Variants in OR2Z1 observed in about 807,000 individuals in gnomAD.
The protein encoded by OR2Z1 is olfactory receptor family 2 subfamily Z member 1.
For missense variants in OR2Z1, 449 were observed against 401.8 expected, an observed-to-expected ratio of 1.12 and a Z score of -1.00; for synonymous variants, 188 against 160.6, an observed-to-expected ratio of 1.17 and a Z score of -1.29.
At position 8,731,159 on chromosome 19, in the gene OR2Z1, T is replaced by G. The variant is rs375555202; in HGVS notation, c.131T>G (p.Val44Gly). ...MFVIGLLGNT[V>G]LLFLIRVDSR... ...GTCATAGGCCTTCTGGGCAACACCG[T>G]TCTTCTCTTCTTGATCCGTGTGGAC... The change falls in exon 3 of 3, where the codon GTT (valine) becomes GGT (glycine). Residue 44 changes from valine (V) to glycine (G), a missense_variant. By Grantham distance (109) the Val-to-Gly change is moderately radical. Transcript: ENST00000641125. 8.2e-5 allele frequency: 133 copies of G among 1,613,904 alleles called. No homozygotes were observed. The highest frequency in any genetic ancestry group is 1.1e-4 in the Non-Finnish European group (132 of 1,180,020).
chr19:8,726,893 T>A (rs964513873), intron 2 of OR2Z1, among the ~76,000 whole-genome samples: 5 of 151,844 alleles, frequency 3.3e-5, no homozygotes, highest in African/African-American at 1.2e-4. Flanking sequence ...TTGCTGCTTT[T>A]TTCTTTTTTT....
chr19:8,727,099 G>A lies in OR2Z1; in HGVS notation c.-169-3761G>A, dbSNP rs1255351897. Among the ~76,000 whole-genome samples the A allele has an allele frequency of 4.6e-5, 7 of 151,928 alleles. No individual in the cohort carries two copies. In the East Asian group the frequency reaches 9.7e-4, roughly 21 times the overall value. The stretch of plus-strand genomic sequence containing the variant: ...TGGGATGACAGGCTTGTATCACCCC[G>A]CCCAGCTAACTTTTGTAATTTTTTT... On this transcript the variant is annotated intron_variant, in intron 2 of 2. Coordinates refer to ENST00000641125, the MANE Select transcript of OR2Z1 (RefSeq NM_001004699.3).
At chr19:8,728,568 G>A (rs1019472380) in intron 2 of OR2Z1, among the ~76,000 whole-genome samples, 3 of 152,026 alleles carry the variant, frequency 2.0e-5, no homozygotes, top group Admixed American at 6.6e-5. Context: ...TGTTAAATAC[G>A]TTTGGGGGTA....
intron 2 of OR2Z1, among the ~76,000 whole-genome samples, chr19:8,725,168 A>G (rs2043322458): frequency 6.6e-6 from 1 of 152,182 alleles, no homozygotes; most frequent in Non-Finnish European, 1.5e-5. Flanking sequence ...AACAATGCTC[A>G]TGTTCCCTGT....
intron 2 of OR2Z1, among the ~76,000 whole-genome samples, chr19:8,725,155 T>A (rs1250154340): frequency 6.6e-6 from 1 of 152,180 alleles, no homozygotes; most frequent in East Asian, 1.9e-4. Flanking sequence ...CTGAAATGAG[T>A]TCAACAATGC....
In OR2Z1 at chr19:8,731,620, G is replaced by A. The variant is rs782618373; in HGVS notation, c.592G>A (p.Ala198Thr). Residue 198 changes from alanine to threonine, a missense_variant, in exon 3 of 3, where the codon GCG (alanine) becomes ACG (threonine). By Grantham distance (58) the Ala-to-Thr change is moderately conservative. Coordinates refer to ENST00000641125, the MANE Select transcript of OR2Z1 (RefSeq NM_001004699.3). The part of the protein sequence containing the change: ...SCADTCAYEM[A>T]LSTSGVLILM... ...TGCAGATACCTGTGCCTACGAGATG[G>A]CGCTGTCCACCTCAGGGGTGCTGAT... 27 of 1,613,904 alleles carry A rather than the reference G, an allele frequency of 1.7e-5. No homozygotes were observed. Among genetic ancestry groups the A allele is most frequent in the Non-Finnish European group, 1.5e-5 (18 of 1,180,010 alleles).
chr19:8,728,676 GTTT>G, intron 2 of OR2Z1: 1 of 445,818 alleles, frequency 2.2e-6, no homozygotes, highest in South Asian at 1.9e-5. Flanking sequence ...CCAATAGGTA[GTTT>G]TTTTTTTATG....
intron 2 of OR2Z1, among the ~76,000 whole-genome samples, chr19:8,723,968 T>TTGTGTGTGTGTGTGTG (rs55655760): frequency 7.5e-6 from 1 of 132,764 alleles, no homozygotes; most frequent in Non-Finnish European, 1.6e-5. Context: ...GGGAGTCTGT[T>TTGTGTGTGTGTGTGTG]TGTGTGTGTG....
At chr19:8,723,748 A>C (rs1555755872) in intron 2 of OR2Z1, among the ~76,000 whole-genome samples, 3 of 152,132 alleles carry the variant, frequency 2.0e-5, no homozygotes, top group African/African-American at 7.2e-5. Context: ...AGTGCTCTGC[A>C]GTTTCAAGGC....
At position 8,724,010 on chromosome 19, in the gene OR2Z1, G is replaced by A. The variant is rs77530436; in HGVS notation, c.-170+860G>A. On this transcript the variant is annotated intron_variant, in intron 2 of 2. Transcript: ENST00000641125. Reference sequence around the variant, plus strand: ...TGTGTGTGTGTGTGTGTGTGTGTGTGTATGTGTGTGTGTGTGTGTGAAGCA... The same window carrying A: ...TGTGTGTGTGTGTGTGTGTGTGTGTATATGTGTGTGTGTGTGTGTGAAGCA... Among the ~76,000 whole-genome samples, 541 of 108,746 alleles carry A rather than the reference G, an allele frequency of 5.0e-3. 3 individuals carry two copies. Among genetic ancestry groups the A allele is most frequent in the Non-Finnish European group, 7.7e-3 (420 of 54,852 alleles). The allele number at this position is 108,746 out of a possible 152,430, so 71.3% of individuals were successfully genotyped here. A position where few individuals can be genotyped will look rare whatever the true frequency, so the allele number is the denominator to read the frequency against.
chr19:8,728,971 A>T (rs2043339202), intron 2 of OR2Z1: 1 of 690,660 alleles, frequency 1.4e-6, no homozygotes, highest in East Asian at 3.0e-5. Flanking sequence ...GTCAGCGGCA[A>T]CGTGATGATT....
In OR2Z1 at chr19:8,731,410, C is replaced by T. The variant is rs1376037007; in HGVS notation, c.382C>T (p.Gln128Ter). The stretch of plus-strand genomic sequence containing the variant: ...TTATGACCGTTATGTTGCTGTGTGC[C>T]AGCCCCTGCAGTATCCTGTACTTAT... ...MSYDRYVAVC[Q>*]PLQYPVLMRR... Residue 128 changes from glutamine to a stop codon, truncating the protein, a stop_gained, in exon 3 of 3, where the codon CAG becomes TAG. Coordinates refer to ENST00000641125, the MANE Select transcript of OR2Z1 (RefSeq NM_001004699.3). LOFTEE classifies it low-confidence loss of function (END_TRUNC). 3 of 1,614,112 alleles carry T rather than the reference C, an allele frequency of 1.9e-6. No individual in the cohort carries two copies. Among genetic ancestry groups the T allele is most frequent in the Non-Finnish European group, 8.5e-7 (1 of 1,180,026 alleles).
rs59262334 is a variant in OR2Z1 at position 8,731,448 on chromosome 19, A to G, written c.420A>G (p.Val140=). 8.9e-5 allele frequency: 144 copies of G among 1,613,864 alleles called. No individual in the cohort carries two copies. In the African/African-American group the frequency reaches 1.5e-3, roughly 17 times the overall value. ...ATCCTGTACTTATGAGACGCCAGGT[A>G]TGTCTGCTGATGATGGGCTCCTCCT... ...LQYPVLMRRQ[V]CLLMMGSSWV... The change falls in exon 3 of 3, where the codon GTA becomes GTG. Residue 140 remains valine, a synonymous_variant. Coordinates refer to ENST00000641125, the MANE Select transcript of OR2Z1 (RefSeq NM_001004699.3).
chr19:8,731,195 A>G lies in OR2Z1; in HGVS notation c.167A>G (p.His56Arg). The change falls in exon 3 of 3, where the codon CAC (histidine) becomes CGC (arginine). Residue 56 changes from histidine to arginine, a missense_variant. Transcript: ENST00000641125. ...TTGATCCGTGTGGACTCCCGGCTCC[A>G]CACACCCATGTACTTCCTGCTCAGC... is the stretch of plus-strand genomic sequence containing the variant. ...LFLIRVDSRL[H>R]TPMYFLLSQL... is the part of the protein sequence containing the mutation. 1 of 1,614,020 alleles carries G rather than the reference A, an allele frequency of 6.2e-7. No individual in the cohort carries two copies. The highest frequency in any genetic ancestry group is 2.2e-5 in the East Asian group (1 of 44,866).
chr19:8,731,685 C>T lies in OR2Z1; in HGVS notation c.657C>T (p.Gly219=). The T allele has an allele frequency of 6.2e-7, 1 of 1,614,216 alleles. No homozygotes were observed. The highest frequency in any genetic ancestry group is 8.5e-7 in the Non-Finnish European group (1 of 1,180,034). ...TTTCCCTCATCGCCACCTCCTACGG[C>T]CACGTGTTGCAGGCTGTTCTAAGCA... ...LPLSLIATSY[G]HVLQAVLSMR... is the part of the protein sequence containing the mutation. The change falls in exon 3 of 3, where the codon GGC becomes GGT. Residue 219 remains glycine (G), a synonymous_variant. Coordinates refer to ENST00000641125, the MANE Select transcript of OR2Z1 (RefSeq NM_001004699.3).
chr19:8,724,482 C>T (rs782581464), intron 2 of OR2Z1, among the ~76,000 whole-genome samples: 3 of 152,218 alleles, frequency 2.0e-5, no homozygotes, highest in Non-Finnish European at 4.4e-5. Flanking sequence ...CCCAGCCTCC[C>T]AAAGTGCTGA....
chr19:8,727,131 A>G (rs1247051056), intron 2 of OR2Z1, among the ~76,000 whole-genome samples: 1 of 151,864 alleles, frequency 6.6e-6, no homozygotes, highest in Non-Finnish European at 1.5e-5. Flanking sequence ...TTTTGTAGAG[A>G]TGGAGGCACC....
rs1555756863 is a variant in OR2Z1, at chr19:8,731,869, G to C, written c.841G>C (p.Val281Leu). ...CGTGGTTTCCCTCTTCTATAGCCTT[G>C]TCACCCCTACACTCAACCCCCTTAT... Reference protein sequence around the residue: ...DNVVSLFYSLVTPTLNPLIYS... With the variant: ...DNVVSLFYSLLTPTLNPLIYS... The change falls in exon 3 of 3, where the codon GTC becomes CTC. Residue 281 changes from valine to leucine, a missense_variant. Physicochemically the swap from Val to Leu is conservative, Grantham distance 32 (BLOSUM62 1). Transcript: ENST00000641125. The C allele has an allele frequency of 1.9e-6, 3 of 1,614,144 alleles. No homozygotes were observed. Among genetic ancestry groups the C allele is most frequent in the Non-Finnish European group, 2.5e-6 (3 of 1,180,030 alleles).
Position 8,732,144 on chromosome 19 carries a change from C to A in OR2Z1, c.*171C>A, listed in dbSNP as rs1003764937. 14 of 610,894 alleles carry A rather than the reference C, an allele frequency of 2.3e-5. No homozygotes were observed. In the South Asian group the frequency reaches 2.8e-4, roughly 12 times the overall value. The allele number at this position is 610,894 out of a possible 1,614,324, so 37.8% of individuals were successfully genotyped here. A position where few individuals can be genotyped will look rare whatever the true frequency, so the allele number is the denominator to read the frequency against. On this transcript the variant is annotated 3_prime_UTR_variant, in exon 3 of 3. Coordinates refer to ENST00000641125, the MANE Select transcript of OR2Z1 (RefSeq NM_001004699.3). ...GCCTTTTAAATTGAGGTAGAATACA[C>A]GTAACATAAAATGAGCCACTTTGAA... is the stretch of plus-strand genomic sequence containing the variant.
Sources: allele counts gnomAD v4.1 joint callset (sites outside exome capture counted in the v4.1 genomes callset), GRCh38; gene constraint gnomAD v4.1.1; transcripts MANE v1.5; gene names NCBI Gene and HGNC (gene_info 2026-07-23, HGNC 2026-07-21).